Variants in NXPH1 observed in about 807,000 individuals in gnomAD.
The protein encoded by NXPH1 is neurexophilin-1.
NXPH1 carries 5 observed loss-of-function variants against 23.7 expected under a neutral mutation model. The observed-to-expected ratio is 0.21, with a 90% confidence interval of 0.11 to 0.44. The LOEUF is 0.44. NXPH1 is among the 20% of genes least tolerant of loss of function. NXPH1 has a pLI of 0.99. For missense variants in NXPH1, 324 were observed against 321.6 expected, an observed-to-expected ratio of 1.01 and a Z score of -0.06; for synonymous variants, 144 against 122.2, an observed-to-expected ratio of 1.18 and a Z score of -1.18.
rs114744407 is a variant in NXPH1, at chr7:8,650,642, A to G, written c.55-100366A>G. On this transcript the variant is annotated intron_variant, in intron 2 of 2. Transcript: ENST00000405863. Reference sequence around the variant, plus strand: ...TTGCATGTCTGTACATTATACAATGACAATCATGTGGCCTCTTGCTCAGTC... The same window carrying G: ...TTGCATGTCTGTACATTATACAATGGCAATCATGTGGCCTCTTGCTCAGTC... 2.2e-3 allele frequency among the ~76,000 whole-genome samples: 340 copies of G among 152,328 alleles called. 1 individual carries two copies. The highest frequency in any genetic ancestry group is 7.8e-3 in the African/African-American group (324 of 41,570).
intron 2 of NXPH1, among the ~76,000 whole-genome samples, chr7:8,490,112 G>A (rs978803839): frequency 2.0e-5 from 3 of 151,956 alleles, no homozygotes; most frequent in African/African-American, 7.2e-5. Flanking sequence ...TCCTCTCAAG[G>A]CATGTGCTTG....
chr7:8,593,411 A>G (rs1347614889), intron 2 of NXPH1, among the ~76,000 whole-genome samples: 2 of 152,018 alleles, frequency 1.3e-5, no homozygotes, highest in Non-Finnish European at 2.9e-5. Flanking sequence ...TTTTCACATC[A>G]TATTTGTAGA....
At chr7:8,488,237 A>G (rs1278569214) in intron 2 of NXPH1, among the ~76,000 whole-genome samples, 1 of 136,682 alleles carries the variant, frequency 7.3e-6, no homozygotes, top group African/African-American at 3.7e-5. Context: ...GACACATACT[A>G]TATCTTACAT....
intron 2 of NXPH1, among the ~76,000 whole-genome samples, chr7:8,461,052 A>G (rs1816686038): frequency 6.6e-6 from 1 of 152,226 alleles, no homozygotes; most frequent in South Asian, 2.1e-4. Context: ...TGGATGGACT[A>G]GAAATGTGGT....
intron 2 of NXPH1, among the ~76,000 whole-genome samples, chr7:8,544,760 C>T (rs1011739940): frequency 6.6e-6 from 1 of 151,572 alleles, no homozygotes; most frequent in African/African-American, 2.4e-5. Context: ...TCATCATTTA[C>T]AAACCAACAT....
chr7:8,470,180 A>G (rs1345334263), intron 2 of NXPH1, among the ~76,000 whole-genome samples: 1 of 152,162 alleles, frequency 6.6e-6, no homozygotes, highest in Non-Finnish European at 1.5e-5. Flanking sequence ...TGTCAGGCTT[A>G]CAAAGAAAAG....
chr7:8,751,216 G>T lies in NXPH1; in HGVS notation c.263G>T (p.Trp88Leu). 1.2e-6 allele frequency: 2 copies of T among 1,613,868 alleles called. No homozygotes were observed. The highest frequency in any genetic ancestry group is 1.7e-6 in the Non-Finnish European group (2 of 1,179,818). The change falls in exon 3 of 3, where the codon TGG (tryptophan) becomes TTG (leucine). Residue 88 changes from tryptophan (W) to leucine (L), a missense_variant. Trp to Leu is a moderately conservative substitution (Grantham distance 61, BLOSUM62 -2). Transcript: ENST00000405863. The surrounding 1 kb of genome is among the most constrained non-coding windows in gnomAD (Gnocchi z 4.5). ...TPEPYSEQDL[W>L]DWLRNSTDLQ... ...GAACCTTATTCTGAGCAAGACCTCT[G>T]GGACTGGCTGAGGAACTCCACAGAC...
chr7:8,497,793 T>A (rs1490845947), intron 2 of NXPH1, among the ~76,000 whole-genome samples: 3 of 152,148 alleles, frequency 2.0e-5, no homozygotes, highest in African/African-American at 7.2e-5. Context: ...ATTGTAAAAA[T>A]TTTCTCCCAT....
At chr7:8,568,017 A>G (rs564589434) in intron 2 of NXPH1, among the ~76,000 whole-genome samples, 109 of 152,006 alleles carry the variant, frequency 7.2e-4, no homozygotes, top group African/African-American at 2.6e-3. Context: ...AGCTTGCTGA[A>G]TTGCAGGGCG....
intron 2 of NXPH1, among the ~76,000 whole-genome samples, chr7:8,550,897 A>G (rs78223245): frequency 0.012 from 1,884 of 151,614 alleles, 45 homozygotes; most frequent in African/African-American, 0.043. Flanking sequence ...CTGTTGAGCA[A>G]TTAGATTGTA....
intron 2 of NXPH1, among the ~76,000 whole-genome samples, chr7:8,609,194 G>T (rs1819565186): frequency 6.6e-6 from 1 of 152,162 alleles, no homozygotes; most frequent in Non-Finnish European, 1.5e-5. Flanking sequence ...GTTAATGTCT[G>T]CTAGCTAAGC....
intron 2 of NXPH1, among the ~76,000 whole-genome samples, chr7:8,557,729 C>T (rs1029051530): frequency 6.6e-6 from 1 of 151,622 alleles, no homozygotes; most frequent in Non-Finnish European, 1.5e-5. Context: ...GCAGGACAAA[C>T]CTCCAGTGAA....
At chr7:8,725,076 A>T (rs1466237790) in intron 2 of NXPH1, among the ~76,000 whole-genome samples, 1 of 152,214 alleles carries the variant, frequency 6.6e-6, no homozygotes, top group Non-Finnish European at 1.5e-5. Context: ...CAAGGAATGG[A>T]TGTTACCTTC....
At chr7:8,637,312 T>C (rs1820232373) in intron 2 of NXPH1, among the ~76,000 whole-genome samples, 1 of 151,822 alleles carries the variant, frequency 6.6e-6, no homozygotes, top group African/African-American at 2.4e-5. Flanking sequence ...AGCCTCGACC[T>C]CCTGGGCACA....
rs568954008 is a variant in NXPH1 at position 8,550,500 on chromosome 7, A to G, written c.54+114733A>G. 2.0e-5 allele frequency among the ~76,000 whole-genome samples: 3 copies of G among 151,678 alleles called. No homozygotes were observed. The East Asian group carries it at 5.9e-4, about 30-fold the overall frequency. On this transcript the variant is annotated intron_variant, in intron 2 of 2. Transcript: ENST00000405863. The stretch of plus-strand genomic sequence containing the variant: ...GGCAAAGACACATGGGCAATCCTAT[A>G]AAGTCTTCCCATGACTTATTGGAAG...
At chr7:8,543,638 T>G (rs1376505379) in intron 2 of NXPH1, among the ~76,000 whole-genome samples, 1 of 151,622 alleles carries the variant, frequency 6.6e-6, no homozygotes, top group Non-Finnish European at 1.5e-5. Context: ...CAAATTTCTT[T>G]AATGGATTTT....
intron 2 of NXPH1, among the ~76,000 whole-genome samples, chr7:8,482,473 G>T (rs933090304): frequency 1.3e-5 from 2 of 152,148 alleles, no homozygotes; most frequent in Admixed American, 6.5e-5. Context: ...GGGCTTCCAA[G>T]CTTAAACTGA....
intron 2 of NXPH1, among the ~76,000 whole-genome samples, chr7:8,528,561 A>G (rs1490175261): frequency 1.3e-5 from 2 of 152,208 alleles, no homozygotes; most frequent in African/African-American, 4.8e-5. Context: ...ATCTGAAAGG[A>G]TGCCTTATTT....
chr7:8,732,293 A>G (rs979185927), intron 2 of NXPH1, among the ~76,000 whole-genome samples: 41 of 152,110 alleles, frequency 2.7e-4, no homozygotes, highest in Non-Finnish European at 5.0e-4. Flanking sequence ...TGCAGAAATC[A>G]CCTGTCTTCT....
Sources: allele counts gnomAD v4.1 joint callset (sites outside exome capture counted in the v4.1 genomes callset), GRCh38; gene constraint gnomAD v4.1.1; non-coding constraint Gnocchi (gnomAD v3.1); transcripts MANE v1.5; gene names NCBI Gene and HGNC (gene_info 2026-07-23, HGNC 2026-07-21).